TACC2: variants seen among roughly 807,000 people sequenced by gnomAD.
TACC2 encodes transforming acidic coiled-coil-containing protein 2.
In TACC2, 137 loss-of-function variants were observed where a neutral mutation model predicts 227.3. That is an observed-to-expected ratio of 0.60 (90% CI 0.52 to 0.69). TACC2 has a LOEUF of 0.69. Among genes scored for constraint, TACC2 ranks in the 30% least tolerant of loss-of-function variants. The pLI is 0.00. For missense variants in TACC2, 3,470 were observed against 3,694.4 expected (o/e 0.94, Z 1.57); for synonymous variants, 1,523 against 1,487.5 (o/e 1.02, Z -0.55).
intron 1 of TACC2, among the ~76,000 whole-genome samples, chr10:121,999,509 C>A (rs559427197): frequency 6.6e-6 from 1 of 152,256 alleles, no homozygotes; most frequent in Non-Finnish European, 1.5e-5. Flanking sequence ...CTCATCGCCA[C>A]ATGTGTTCCA....
At chr10:122,231,057 G>A (rs1014022105) in intron 16 of TACC2, among the ~76,000 whole-genome samples, 1 of 152,104 alleles carries the variant, frequency 6.6e-6, no homozygotes, top group Admixed American at 6.5e-5. Flanking sequence ...TTGTCTGTTT[G>A]TTTGTTTGTT....
chr10:122,100,729 G>C (rs977402023), intron 5 of TACC2, among the ~76,000 whole-genome samples: 1 of 152,130 alleles, frequency 6.6e-6, no homozygotes, highest in African/African-American at 2.4e-5. Context: ...CCCGACTGTT[G>C]TCTTCTCTTC....
rs2093936253 is a variant in TACC2, at chr10:122,180,496, C to G, written c.5835-14544C>G. Among the ~76,000 whole-genome samples the G allele has an allele frequency of 6.6e-6, 1 of 152,074 alleles. No individual in the cohort carries two copies. Among genetic ancestry groups the G allele is most frequent in the Admixed American group, 6.5e-5 (1 of 15,274 alleles). ...GGGACTACAGGCGCCCGCCACCACA[C>G]CCGGCTAATTTTTTTGTGTTTTTGG... On this transcript the variant is annotated intron_variant, in intron 7 of 22. Transcript: ENST00000369005. The surrounding 1 kb of genome is among the most constrained non-coding windows in gnomAD (Gnocchi z 4.5).
intron 1 of TACC2, among the ~76,000 whole-genome samples, chr10:122,001,040 C>T (rs1042598805): frequency 1.3e-5 from 2 of 152,212 alleles, no homozygotes; most frequent in African/African-American, 2.4e-5. Flanking sequence ...CCGGGCTGGT[C>T]CTGAACCCCT....
At chr10:122,156,988 T>G (rs2092530053) in intron 7 of TACC2, among the ~76,000 whole-genome samples, 1 of 151,996 alleles carries the variant, frequency 6.6e-6, no homozygotes, top group Admixed American at 6.6e-5. Context: ...GGCACACGTC[T>G]GTGGTCCCAG....
rs564188022 is a variant in TACC2 at position 122,180,041 on chromosome 10, C to T, written c.5835-14999C>T. On this transcript the variant is annotated intron_variant, in intron 7 of 22. Transcript: ENST00000369005. This position sits in a 1 kb window ranked among gnomAD's most constrained non-coding sequence, Gnocchi z 4.5. ...TCGAGGCTGCAGTGAGCCATGATTG[C>T]GCCACTGCACTCCAGCCTGGGCAAC... 3.0e-3 allele frequency among the ~76,000 whole-genome samples: 449 copies of T among 151,994 alleles called. 2 individuals carry two copies. The highest frequency in any genetic ancestry group is 0.01 in the African/African-American group (434 of 41,492).
In TACC2 at chr10:122,050,439, G is replaced by A. The variant is rs192689513; in HGVS notation, c.35G>A (p.Arg12Lys). Residue 12 changes from arginine to lysine, a missense_variant and splice_region_variant, in exon 3 of 23, where the codon AGG becomes AAG. Physicochemically the swap from Arg to Lys is conservative, Grantham distance 26. Transcript: ENST00000369005. This position sits in a 1 kb window ranked among gnomAD's most constrained non-coding sequence, Gnocchi z 4.6. ...GNENSTSDNQ[R>K]TLSAQTPRSA... ...CAATTTCTTTTTCTCCTGGCTCAGA[G>A]GACTTTATCAGCTCAGACTCCAAGG... 6.5e-5 allele frequency: 105 copies of A among 1,612,926 alleles called. No homozygotes were observed. Among genetic ancestry groups the A allele is most frequent in the Middle Eastern group, 1.7e-4 (1 of 6,050 alleles).
At chr10:122,002,856 T>C (rs1426637007) in intron 1 of TACC2, among the ~76,000 whole-genome samples, 1 of 152,210 alleles carries the variant, frequency 6.6e-6, no homozygotes, top group Non-Finnish European at 1.5e-5. Flanking sequence ...TTTCTCCCTT[T>C]TTCTTTCTGA....
intron 3 of TACC2, among the ~76,000 whole-genome samples, chr10:122,072,074 G>A (rs932311915): frequency 1.3e-5 from 2 of 149,062 alleles, no homozygotes; most frequent in Non-Finnish European, 3.0e-5. Flanking sequence ...CTCCTCTCGG[G>A]TTCACACCAT....
At chr10:122,078,055 C>A (rs1039487967) in intron 3 of TACC2, among the ~76,000 whole-genome samples, 3 of 151,868 alleles carry the variant, frequency 2.0e-5, no homozygotes, top group African/African-American at 7.3e-5. Context: ...ATTAGCCGGG[C>A]ATGGTGGTGC....
chr10:122,174,039 T>C (rs983173634), intron 7 of TACC2, among the ~76,000 whole-genome samples: 1 of 152,174 alleles, frequency 6.6e-6, no homozygotes, highest in South Asian at 2.1e-4. Flanking sequence ...CTTTGTGGGA[T>C]GGGACTGTCC....
Position 122,085,704 on chromosome 10 carries a change from C to G in TACC2, c.3204C>G (p.Pro1068=). ...PCLPALAPAS[P]GVTPTQDAPE... ...TGCCAGCCCTGGCGCCCGCCAGCCC[C>G]GGAGTCACACCCACCCAGGATGCCC... is the stretch of plus-strand genomic sequence containing the variant. Residue 1068 remains proline, a synonymous_variant, in exon 4 of 23, where the codon CCC becomes CCG. Coordinates refer to ENST00000369005, the MANE Select transcript of TACC2 (RefSeq NM_206862.4). 1 of 1,613,760 alleles carries G rather than the reference C, an allele frequency of 6.2e-7. No individual in the cohort carries two copies. Among genetic ancestry groups the G allele is most frequent in the Non-Finnish European group, 8.5e-7 (1 of 1,180,014 alleles).
intron 5 of TACC2, among the ~76,000 whole-genome samples, chr10:122,100,537 C>T (rs1444167398): frequency 6.6e-6 from 1 of 151,712 alleles, no homozygotes; most frequent in Non-Finnish European, 1.5e-5. Flanking sequence ...AGCTCTCCTG[C>T]CTCATCCTCC....
intron 8 of TACC2, among the ~76,000 whole-genome samples, chr10:122,204,093 GC>G (rs1314979746): frequency 1.3e-5 from 2 of 150,144 alleles, no homozygotes; most frequent in African/African-American, 5.0e-5. Context: ...GTTGCAGTGA[GC>G]CGAGGTGGCA....
intron 7 of TACC2, among the ~76,000 whole-genome samples, chr10:122,156,796 C>T (rs183141268): frequency 3.3e-5 from 5 of 152,314 alleles, no homozygotes; most frequent in Admixed American, 2.0e-4. Context: ...TATATTTGCT[C>T]CTTCAATCAG....
intron 2 of TACC2, among the ~76,000 whole-genome samples, chr10:122,036,223 C>T (rs1960284496): frequency 1.4e-5 from 2 of 143,516 alleles, no homozygotes; most frequent in Admixed American, 7.2e-5. Flanking sequence ...GACGGAGTCT[C>T]GCTCTGTCAC....
chr10:122,253,865 T>G, intron 22 of TACC2, 126 bp from the exon 23 acceptor site: 1 of 714,586 alleles, frequency 1.4e-6, no homozygotes, highest in Non-Finnish European at 2.5e-6. Context: ...CTCCAAGTCA[T>G]TTGTCTCACT....
At chr10:122,059,080 T>TTTG (rs2076518639) in intron 3 of TACC2, among the ~76,000 whole-genome samples, 1 of 143,952 alleles carries the variant, frequency 6.9e-6, no homozygotes, top group Non-Finnish European at 1.5e-5. Flanking sequence ...TTGTTGTTGT[T>TTTG]GTTGTTGTTG....
chr10:122,167,051 G>A (rs1389497028), intron 7 of TACC2, among the ~76,000 whole-genome samples: 1 of 152,170 alleles, frequency 6.6e-6, no homozygotes, highest in Non-Finnish European at 1.5e-5. Context: ...TTATGTAGTT[G>A]GAGACCCCCG....
Sources: allele counts gnomAD v4.1 joint callset (sites outside exome capture counted in the v4.1 genomes callset), GRCh38; gene constraint gnomAD v4.1.1; non-coding constraint Gnocchi (gnomAD v3.1); transcripts MANE v1.5; gene names NCBI Gene and HGNC (gene_info 2026-07-23, HGNC 2026-07-21).